CNOT6: variants seen among roughly 807,000 people sequenced by gnomAD.
The protein encoded by CNOT6 is carbon catabolite repression 4 protein.
Under a neutral mutation model 61.2 loss-of-function variants are expected in CNOT6, and 12 were observed. The ratio of observed to expected loss-of-function variants is 0.20; its 90% CI spans 0.13 to 0.32. CNOT6 has a LOEUF of 0.32. Ranked by LOEUF, CNOT6 falls within the 10% of genes least tolerant of loss-of-function variation. The probability of loss-of-function intolerance (pLI) is 1.00; values close to 1 mark genes in which losing one functional copy is unlikely to be tolerated. For synonymous variants in CNOT6, 225 were observed against 240.6 expected (o/e 0.94, Z 0.60); for missense variants, 405 against 663.9 (o/e 0.61, Z 4.28).
rs114919437 is a variant in CNOT6, at chr5:180,506,758, A to G, written c.-3+11995A>G. Among the ~76,000 whole-genome samples, 840 of 152,264 alleles carry G rather than the reference A, an allele frequency of 5.5e-3. 10 individuals are homozygous for G. Among genetic ancestry groups the G allele is most frequent in the African/African-American group, 0.019 (801 of 41,568 alleles). ...TTAGGTAATAGTTTTTCTTATTCCT[A>G]GTAAGATAGGCACTGCTTTTAAGGC... On this transcript the variant is annotated intron_variant, in intron 1 of 11. Transcript: ENST00000261951.
At chr5:180,544,663 G>A (rs1220521343) in intron 2 of CNOT6, among the ~76,000 whole-genome samples, 1 of 152,156 alleles carries the variant, frequency 6.6e-6, no homozygotes, top group Non-Finnish European at 1.5e-5. Flanking sequence ...ATGGGAAAAG[G>A]AGCTATACAA....
intron 4 of CNOT6, among the ~76,000 whole-genome samples, chr5:180,556,910 C>T (rs1315757705): frequency 1.3e-5 from 2 of 151,206 alleles, no homozygotes; most frequent in African/African-American, 2.4e-5. Context: ...GAGCCGAGAT[C>T]GTGCCACTGC....
chr5:180,570,931 A>G (rs999650674), intron 10 of CNOT6, among the ~76,000 whole-genome samples: 2 of 152,254 alleles, frequency 1.3e-5, no homozygotes, highest in African/African-American at 4.8e-5. Context: ...AAAAGTGGAA[A>G]CAACCTGCAT....
At chr5:180,499,083 G>T (rs1038457811) in intron 1 of CNOT6, among the ~76,000 whole-genome samples, 3 of 152,212 alleles carry the variant, frequency 2.0e-5, no homozygotes, top group Non-Finnish European at 4.4e-5. Flanking sequence ...GAGCCACCAT[G>T]CCTGGCCTGG....
At chr5:180,554,557 C>T (rs11748792) in intron 4 of CNOT6, among the ~76,000 whole-genome samples, 38,564 of 151,280 alleles carry the variant, frequency 0.25, 5,882 homozygotes, top group Middle Eastern at 0.41. Flanking sequence ...TTAAAATGTA[C>T]GGAAAGTCAT....
At chr5:180,499,055 T>TGG (rs1756748374) in intron 1 of CNOT6, among the ~76,000 whole-genome samples, 2 of 152,174 alleles carry the variant, frequency 1.3e-5, no homozygotes. Context: ...CCTCCCAAAG[T>TGG]GCTGGGATTA....
chr5:180,501,267 A>C (rs1756856458), intron 1 of CNOT6, among the ~76,000 whole-genome samples: 1 of 152,208 alleles, frequency 6.6e-6, no homozygotes, highest in Admixed American at 6.5e-5. Flanking sequence ...ATAGAAAAGC[A>C]CAGGATACCA....
At chr5:180,530,670 A>G (rs1408733931) in intron 2 of CNOT6, among the ~76,000 whole-genome samples, 1 of 151,710 alleles carries the variant, frequency 6.6e-6, no homozygotes, top group East Asian at 1.9e-4. Context: ...GCAGATAAAC[A>G]TGTGAACAAG....
At chr5:180,541,441 ATTTTTTTTTTTTTTT>A (rs1163850404) in intron 2 of CNOT6, among the ~76,000 whole-genome samples, 24 of 106,578 alleles carry the variant, frequency 2.3e-4, no homozygotes, top group African/African-American at 8.1e-4. Context: ...TGGCCAAGAA[ATTTTTTTTTTTTTTT>A]TTTTTTTTTT....
rs1760917219 is a variant in CNOT6, at chr5:180,574,337, G to GAT, written c.*141_*142dup. ...ACTTTCAATCTGATTATTTGATAAGGATATAGTATGAAAGCCAGGTGCTAG... is the reference window on the plus strand; with the variant it reads ...ACTTTCAATCTGATTATTTGATAAGGATATATAGTATGAAAGCCAGGTGCTAG... On this transcript the variant is annotated 3_prime_UTR_variant, in exon 12 of 12. Transcript: ENST00000261951. 5.5e-6 allele frequency: 4 copies of GAT among 720,784 alleles called. No individual in the cohort carries two copies. The East Asian group carries it at 1.1e-4, about 19-fold the overall frequency. 44.6% of individuals were successfully genotyped at this position (720,784 alleles called of 1,614,324 possible). A position where few individuals can be genotyped will look rare whatever the true frequency, so the allele number is the denominator to read the frequency against.
intron 2 of CNOT6, among the ~76,000 whole-genome samples, chr5:180,540,386 A>C (rs73363236): frequency 6.6e-6 from 1 of 152,214 alleles, no homozygotes; most frequent in Non-Finnish European, 1.5e-5. Flanking sequence ...TTCACTCATA[A>C]AAGTCTTACA....
chr5:180,522,283 G>T lies in CNOT6; in HGVS notation c.-2-6992G>T, dbSNP rs1757913181. On this transcript the variant is annotated intron_variant, in intron 1 of 11. Transcript: ENST00000261951. ...CATGCCACCATGCTGGCTAATTTTTGTATTTTTTTTTTGTAGAGATGGGGT... is the reference window on the plus strand; with the variant it reads ...CATGCCACCATGCTGGCTAATTTTTTTATTTTTTTTTTGTAGAGATGGGGT... Among the ~76,000 whole-genome samples the T allele has an allele frequency of 2.0e-5, 3 of 151,792 alleles. 1 individual carries two copies. The highest frequency in any genetic ancestry group is 4.8e-5 in the African/African-American group (2 of 41,310).
intron 4 of CNOT6, among the ~76,000 whole-genome samples, chr5:180,555,111 A>C (rs6888805): frequency 0.45 from 68,501 of 151,646 alleles, 16,536 homozygotes; most frequent in Non-Finnish European, 0.54. Flanking sequence ...GGTTGAAGCA[A>C]TTCTTCTGCT....
intron 1 of CNOT6, among the ~76,000 whole-genome samples, chr5:180,502,859 G>A (rs979362664): frequency 6.6e-6 from 1 of 152,138 alleles, no homozygotes; most frequent in Non-Finnish European, 1.5e-5. Flanking sequence ...CTTCTGTAAG[G>A]TTATGTATTG....
intron 2 of CNOT6, among the ~76,000 whole-genome samples, chr5:180,533,718 A>G (rs1474226491): frequency 2.6e-5 from 4 of 152,172 alleles, no homozygotes; most frequent in Non-Finnish European, 5.9e-5. Flanking sequence ...CTTAGCCCAG[A>G]TTGGCTTCTT....
chr5:180,566,595 C>T (rs1259712656), intron 7 of CNOT6, among the ~76,000 whole-genome samples: 3 of 148,846 alleles, frequency 2.0e-5, no homozygotes, highest in Non-Finnish European at 4.4e-5. Flanking sequence ...AATGACAAGT[C>T]GCTGTTCCAG....
intron 1 of CNOT6, among the ~76,000 whole-genome samples, chr5:180,503,305 C>G (rs1417802914): frequency 6.6e-6 from 1 of 150,550 alleles, no homozygotes; most frequent in Non-Finnish European, 1.5e-5. Context: ...CTCTTGTAGC[C>G]CAGGCTGGAA....
intron 11 of CNOT6, among the ~76,000 whole-genome samples, chr5:180,573,552 A>AGTGTGTGTGT (rs755954581): frequency 2.4e-4 from 29 of 119,266 alleles, no homozygotes; most frequent in Admixed American, 3.5e-4. Flanking sequence ...GGAGGGGGGC[A>AGTGTGTGTGT]GTGTGTGTGT....
chr5:180,523,015 T>A (rs1225895388), intron 1 of CNOT6, among the ~76,000 whole-genome samples: 1 of 152,178 alleles, frequency 6.6e-6, no homozygotes, highest in Non-Finnish European at 1.5e-5. Flanking sequence ...CTTACTTGTG[T>A]CTGAAGAAGA....
Sources: allele counts gnomAD v4.1 joint callset (sites outside exome capture counted in the v4.1 genomes callset), GRCh38; gene constraint gnomAD v4.1.1; transcripts MANE v1.5; gene names NCBI Gene and HGNC (gene_info 2026-07-23, HGNC 2026-07-21).